The following ZNF521 variants were observed in gnomAD, a reference collection of about 807,000 sequenced individuals.
The protein encoded by ZNF521 is zinc finger protein 521.
ZNF521 carries 14 observed loss-of-function variants against 105.5 expected under a neutral mutation model. The ratio of observed to expected loss-of-function variants is 0.13; its 90% CI spans 0.09 to 0.21. The LOEUF (loss-of-function observed/expected upper bound fraction) is 0.21. ZNF521 is among the 10% of genes least tolerant of loss of function. The probability of loss-of-function intolerance (pLI) is 1.00; values close to 1 mark genes in which losing one functional copy is unlikely to be tolerated. For synonymous variants in ZNF521, 635 were observed against 606.0 expected, an observed-to-expected ratio of 1.05 and a Z score of -0.70; for missense variants, 1,233 against 1,629.7, an observed-to-expected ratio of 0.76 and a Z score of 4.19.
At chr18:25,117,170 T>C (rs1324897071) in intron 5 of ZNF521, among the ~76,000 whole-genome samples, 2 of 151,626 alleles carry the variant, frequency 1.3e-5, no homozygotes, top group Admixed American at 6.6e-5. Context: ...AGAGTTTGTA[T>C]ACAGTATGTG....
At chr18:25,302,035 G>A (rs1010292958) in intron 3 of ZNF521, 3 of 152,156 alleles carry the variant, frequency 2.0e-5, no homozygotes, top group Non-Finnish European at 4.4e-5. Context: ...AAGTGACAAT[G>A]AGTCTCAATT....
At chr18:25,064,618 G>A (rs1177142460) in intron 7 of ZNF521, among the ~76,000 whole-genome samples, 1 of 152,130 alleles carries the variant, frequency 6.6e-6, no homozygotes, top group Non-Finnish European at 1.5e-5. Flanking sequence ...TTAAGCAGAG[G>A]GATTCATCTT....
chr18:25,323,707 T>C (rs1459262188), intron 2 of ZNF521, among the ~76,000 whole-genome samples: 1 of 152,186 alleles, frequency 6.6e-6, no homozygotes, highest in Non-Finnish European at 1.5e-5. Flanking sequence ...GCCACACCAA[T>C]ATCCTGCTCT....
At chr18:25,152,317 A>G (rs907893112) in intron 5 of ZNF521, among the ~76,000 whole-genome samples, 1 of 151,936 alleles carries the variant, frequency 6.6e-6, no homozygotes, top group Non-Finnish European at 1.5e-5. Flanking sequence ...CGTCTCTACT[A>G]AAAAAACAAA....
intron 5 of ZNF521, among the ~76,000 whole-genome samples, chr18:25,128,627 G>T (rs8088769): frequency 6.6e-6 from 1 of 151,890 alleles, no homozygotes; most frequent in Non-Finnish European, 1.5e-5. Context: ...ATACAAGGTT[G>T]ATATACAAGT....
At chr18:25,187,811 G>A (rs936329382) in intron 5 of ZNF521, among the ~76,000 whole-genome samples, 1 of 152,084 alleles carries the variant, frequency 6.6e-6, no homozygotes, top group South Asian at 2.1e-4. Context: ...CTTGAAAATC[G>A]TACCATCTAC....
chr18:25,222,180 A>G (rs76672011), intron 4 of ZNF521, among the ~76,000 whole-genome samples: 8,302 of 152,198 alleles, frequency 0.055, 712 homozygotes, highest in African/African-American at 0.19. Flanking sequence ...GTCATTAGGT[A>G]CTTTAAAAAT....
In ZNF521 at chr18:25,062,413, G is replaced by T. The variant is rs1361983296; in HGVS notation, c.*299C>A. ...AAAATACTTTATCTTAAGCCATTTT[G>T]GTCATAGTCTTTTTTTTTTTTTAAT... is the stretch of plus-strand genomic sequence containing the variant. On this transcript the variant is annotated 3_prime_UTR_variant, in exon 8 of 8. Transcript: ENST00000361524. 5.7e-6 allele frequency: 2 copies of T among 350,122 alleles called. No homozygotes were observed. Among genetic ancestry groups the T allele is most frequent in the Non-Finnish European group, 1.0e-5 (2 of 199,266 alleles). 21.7% of individuals were successfully genotyped at this position (350,122 alleles called of 1,614,324 possible). A position where few individuals can be genotyped will look rare whatever the true frequency, so the allele number is the denominator to read the frequency against.
chr18:25,268,094 T>C (rs1294300481), intron 3 of ZNF521, among the ~76,000 whole-genome samples: 1 of 152,134 alleles, frequency 6.6e-6, no homozygotes, highest in Non-Finnish European at 1.5e-5. Context: ...ATAAATGAAC[T>C]GATGGAGCTT....
At chr18:25,220,403 T>C (rs1168282894) in intron 4 of ZNF521, among the ~76,000 whole-genome samples, 1 of 151,978 alleles carries the variant, frequency 6.6e-6, no homozygotes, top group Non-Finnish European at 1.5e-5. Context: ...ACCGAGAGGA[T>C]GCTGTAGAAA....
chr18:25,275,479 T>C (rs942588567), intron 3 of ZNF521, among the ~76,000 whole-genome samples: 2 of 152,208 alleles, frequency 1.3e-5, no homozygotes, highest in East Asian at 1.9e-4. Context: ...CACCCACTCA[T>C]GCGGTAATAA....
chr18:25,192,663 T>C (rs368398700), intron 5 of ZNF521, among the ~76,000 whole-genome samples: 11 of 150,420 alleles, frequency 7.3e-5, no homozygotes, highest in African/African-American at 2.7e-4. Flanking sequence ...CTATTAAATG[T>C]CTAGTTGAGA....
At chr18:25,077,529 T>A (rs943859612) in intron 7 of ZNF521, among the ~76,000 whole-genome samples, 2 of 69,342 alleles carry the variant, frequency 2.9e-5, no homozygotes, top group African/African-American at 2.3e-4. Context: ...TTTCTCCTCT[T>A]ATGTTTTTTT....
Position 25,140,267 on chromosome 18 carries a change from A to T in ZNF521, c.3659-48186T>A, listed in dbSNP as rs186075091. 1.1e-3 allele frequency among the ~76,000 whole-genome samples: 172 copies of T among 152,320 alleles called. 2 individuals carry two copies. Among genetic ancestry groups the T allele is most frequent in the Non-Finnish European group, 6.5e-4 (44 of 68,016 alleles). On this transcript the variant is annotated intron_variant, in intron 5 of 7. Transcript: ENST00000361524. ...CACTCAGATACTTGGAAGAACAAAA[A>T]GGAAAGCAGCCAACATGAAGAAAAG...
chr18:25,246,195 G>A (rs986179067), intron 3 of ZNF521, among the ~76,000 whole-genome samples: 1 of 151,794 alleles, frequency 6.6e-6, no homozygotes, highest in Non-Finnish European at 1.5e-5. Context: ...TGCACGTTGT[G>A]CACATGTACC....
At chr18:25,344,602 A>G (rs533996742) in intron 2 of ZNF521, among the ~76,000 whole-genome samples, 6 of 152,330 alleles carry the variant, frequency 3.9e-5, no homozygotes, top group African/African-American at 1.4e-4. Context: ...GAGTCAATGA[A>G]GAAAAAAATT....
chr18:25,289,881 C>A (rs111556202), intron 3 of ZNF521, among the ~76,000 whole-genome samples: 2,266 of 152,194 alleles, frequency 0.015, 26 homozygotes, highest in Non-Finnish European at 0.025. Flanking sequence ...CTATTTATGA[C>A]GTGTTCAAGA....
intron 3 of ZNF521, among the ~76,000 whole-genome samples, chr18:25,307,122 T>C (rs1912027134): frequency 6.6e-6 from 1 of 152,214 alleles, no homozygotes; most frequent in Non-Finnish European, 1.5e-5. Context: ...TTATTGAATT[T>C]GGCCACCCTC....
chr18:25,167,059 G>T (rs1809838552), intron 5 of ZNF521, among the ~76,000 whole-genome samples: 2 of 152,108 alleles, frequency 1.3e-5, no homozygotes, highest in Admixed American at 1.3e-4. Flanking sequence ...CATTCCTAAG[G>T]CTTAAGAAAG....
Sources: allele counts gnomAD v4.1 joint callset (sites outside exome capture counted in the v4.1 genomes callset), GRCh38; gene constraint gnomAD v4.1.1; transcripts MANE v1.5; gene names NCBI Gene and HGNC (gene_info 2026-07-23, HGNC 2026-07-21).